The following IL1RAPL2 variants were observed in gnomAD, a reference collection of about 807,000 sequenced individuals.
IL1RAPL2 encodes the protein interleukin 1 receptor accessory protein like 2, also known as X-linked interleukin-1 receptor accessory protein-like 2.
IL1RAPL2 carries 3 observed loss-of-function variants against 44.1 expected under a neutral mutation model. That is an observed-to-expected ratio of 0.07 (90% CI 0.03 to 0.18). The LOEUF is 0.18. IL1RAPL2 is among the 10% of genes least tolerant of loss of function. IL1RAPL2 has a pLI of 1.00. For synonymous variants in IL1RAPL2, 181 were observed against 178.8 expected (o/e 1.01, Z -0.10); for missense variants, 391 against 496.4 (o/e 0.79, Z 2.02).
chrX:105,573,567 A>G (rs968972518), intron 6 of IL1RAPL2, among the ~76,000 whole-genome samples: 1 of 111,321 alleles, frequency 9.0e-6, no homozygotes, highest in Admixed American at 9.6e-5. Context: ...GATTTTGTGA[A>G]CGGGTGAATG....
At chrX:105,329,704 G>C (rs763451299) in intron 5 of IL1RAPL2, among the ~76,000 whole-genome samples, 1 of 110,940 alleles carries the variant, frequency 9.0e-6, no homozygotes, top group African/African-American at 3.3e-5. Flanking sequence ...TGCATATACG[G>C]CTTTTAAGCA....
At chrX:105,170,921 A>G (rs1030751375) in intron 2 of IL1RAPL2, among the ~76,000 whole-genome samples, 2 of 111,956 alleles carry the variant, frequency 1.8e-5, no homozygotes, top group Non-Finnish European at 3.8e-5. Context: ...AGGTGCAGCC[A>G]GAGATTGGAG....
intron 8 of IL1RAPL2, among the ~76,000 whole-genome samples, chrX:105,742,086 T>G (rs1886151135): frequency 9.0e-6 from 1 of 111,596 alleles, no homozygotes; most frequent in Admixed American, 9.6e-5. Flanking sequence ...AATCAGAGCC[T>G]GCTGCTATAC....
chrX:105,317,831 C>A (rs1335479753), intron 5 of IL1RAPL2, among the ~76,000 whole-genome samples: 2 of 110,995 alleles, frequency 1.8e-5, no homozygotes, highest in Non-Finnish European at 3.8e-5. Flanking sequence ...AGGTAGCTAC[C>A]ATTATTTCCA....
intron 6 of IL1RAPL2, among the ~76,000 whole-genome samples, chrX:105,669,494 C>T (rs762643581): frequency 1.3e-4 from 15 of 111,682 alleles, no homozygotes; most frequent in South Asian, 3.7e-4. Flanking sequence ...CCTGGTCTTG[C>T]GGCATTCTTC....
At chrX:105,073,035 CTTTT>C (rs201850028) in intron 2 of IL1RAPL2, among the ~76,000 whole-genome samples, 2 of 104,583 alleles carry the variant, frequency 1.9e-5, no homozygotes, top group East Asian at 6.0e-4. Flanking sequence ...GCCACATTTT[CTTTT>C]TTTTTCTTTT....
At chrX:104,687,382 G>T (rs1931007952) in intron 2 of IL1RAPL2, among the ~76,000 whole-genome samples, 1 of 110,923 alleles carries the variant, frequency 9.0e-6, no homozygotes, top group Non-Finnish European at 1.9e-5. Context: ...GGGGGGAGGT[G>T]CCAGGCTCTT....
intron 7 of IL1RAPL2, among the ~76,000 whole-genome samples, chrX:105,735,776 T>G (rs1229304237): frequency 8.9e-6 from 1 of 111,764 alleles, no homozygotes; most frequent in Non-Finnish European, 1.9e-5. Flanking sequence ...CTTTTAATGT[T>G]TCTATTTCTT....
chrX:105,374,192 A>G (rs1282939355), intron 5 of IL1RAPL2, among the ~76,000 whole-genome samples: 8 of 108,125 alleles, frequency 7.4e-5, no homozygotes, highest in Admixed American at 3.0e-4. Flanking sequence ...TCACTGGTCT[A>G]TGTGTCTCGT....
At chrX:105,364,823 G>A (rs1417405612) in intron 5 of IL1RAPL2, among the ~76,000 whole-genome samples, 1 of 111,367 alleles carries the variant, frequency 9.0e-6, no homozygotes, top group African/African-American at 3.3e-5. Flanking sequence ...GTTTTTCTAC[G>A]TATAACATCA....
intron 2 of IL1RAPL2, among the ~76,000 whole-genome samples, chrX:104,954,806 T>G (rs985327201): frequency 8.9e-6 from 1 of 112,835 alleles, no homozygotes; most frequent in African/African-American, 3.2e-5. Flanking sequence ...GGCAACCCCC[T>G]AAATTGGGGC....
At chrX:105,639,890 G>A (rs1023396461) in intron 6 of IL1RAPL2, among the ~76,000 whole-genome samples, 6 of 111,163 alleles carry the variant, frequency 5.4e-5, no homozygotes, top group African/African-American at 9.8e-5. Context: ...GACAAGTACC[G>A]TATGGTCTCC....
intron 6 of IL1RAPL2, among the ~76,000 whole-genome samples, chrX:105,572,414 G>A (rs1225765415): frequency 2.7e-5 from 3 of 111,892 alleles, no homozygotes; most frequent in Non-Finnish European, 5.6e-5. Flanking sequence ...GTTCATGGAT[G>A]AAAATTAATT....
At chrX:105,587,470 A>C (rs1017279150) in intron 6 of IL1RAPL2, among the ~76,000 whole-genome samples, 11 of 110,390 alleles carry the variant, frequency 1.0e-4, no homozygotes, top group Non-Finnish European at 1.9e-4. Flanking sequence ...ACTATTTTCT[A>C]ATATTATTTT....
chrX:105,699,266 C>T (rs2038101156), intron 6 of IL1RAPL2, among the ~76,000 whole-genome samples: 1 of 111,400 alleles, frequency 9.0e-6, no homozygotes, highest in African/African-American at 3.3e-5. Context: ...TGCATGCATT[C>T]TGTCACCCAA....
At chrX:105,262,615 C>T (rs1437255130) in intron 4 of IL1RAPL2, among the ~76,000 whole-genome samples, 1 of 111,002 alleles carries the variant, frequency 9.0e-6, no homozygotes, top group Non-Finnish European at 1.9e-5. Flanking sequence ...TAGTAGCATG[C>T]TCAAAAACAT....
chrX:105,637,496 G>A (rs913976606), intron 6 of IL1RAPL2, among the ~76,000 whole-genome samples: 16 of 109,553 alleles, frequency 1.5e-4, no homozygotes, highest in African/African-American at 5.0e-4. Flanking sequence ...CCCTCAATCT[G>A]GTCAGACACA....
chrX:104,900,311 T>C (rs755596922), intron 2 of IL1RAPL2, among the ~76,000 whole-genome samples: 2 of 111,650 alleles, frequency 1.8e-5, no homozygotes, highest in African/African-American at 3.3e-5. Flanking sequence ...AATCTTTAAT[T>C]TACCTGGCAT....
At chrX:105,602,432 C>T (rs1222578099) in intron 6 of IL1RAPL2, among the ~76,000 whole-genome samples, 1 of 109,882 alleles carries the variant, frequency 9.1e-6, no homozygotes, top group African/African-American at 3.3e-5. Context: ...GCCTCCTGGA[C>T]AGATAGGACA....
Sources: allele counts gnomAD v4.1 joint callset (sites outside exome capture counted in the v4.1 genomes callset), GRCh38; gene constraint gnomAD v4.1.1; transcripts MANE v1.5; gene names NCBI Gene and HGNC (gene_info 2026-07-23, HGNC 2026-07-21).